The following ZFPM2 variants were observed in gnomAD, a reference collection of about 807,000 sequenced individuals.
ZFPM2 encodes zinc finger protein, FOG family member 2.
A neutral mutation model predicts 98.6 loss-of-function variants in ZFPM2; 20 were observed. That is an observed-to-expected ratio of 0.20 (90% confidence interval 0.14 to 0.29). The LOEUF is 0.29. Among genes scored for constraint, ZFPM2 ranks in the 10% least tolerant of loss-of-function variants. ZFPM2 has a pLI of 1.00. For synonymous variants in ZFPM2, 518 were observed against 502.7 expected (o/e 1.03, Z -0.41); for missense variants, 1,310 against 1,388.6 (o/e 0.94, Z 0.90).
At chr8:105,712,568 G>GT (rs1451837638) in intron 5 of ZFPM2, among the ~76,000 whole-genome samples, 4 of 151,934 alleles carry the variant, frequency 2.6e-5, no homozygotes, top group Admixed American at 1.3e-4. Flanking sequence ...TTTAATTGTA[G>GT]TTTTAGGTTC....
rs896811136 is a variant in ZFPM2 at position 105,648,695 on chromosome 8, T to G, written c.532+14338T>G. 7.2e-5 allele frequency among the ~76,000 whole-genome samples: 11 copies of G among 152,214 alleles called. No individual in the cohort carries two copies. In the East Asian group the frequency reaches 1.5e-3, roughly 21 times the overall value. On this transcript the variant is annotated intron_variant, in intron 5 of 7. Coordinates refer to ENST00000407775, the MANE Select transcript of ZFPM2 (RefSeq NM_012082.4). The stretch of plus-strand genomic sequence containing the variant: ...CAAAGATCAGATGGTTGTAGATGTG[T>G]GGTATTATTTCTGAGGGCTCTGTTC...
intron 1 of ZFPM2, among the ~76,000 whole-genome samples, chr8:105,400,028 A>G (rs566330250): frequency 9.9e-5 from 15 of 152,204 alleles, no homozygotes; most frequent in African/African-American, 3.4e-4. Flanking sequence ...TCGGCCTCCC[A>G]AAGTGCTAGG....
chr8:105,515,806 C>T (rs564969290), intron 3 of ZFPM2, among the ~76,000 whole-genome samples: 1 of 151,394 alleles, frequency 6.6e-6, no homozygotes, highest in Non-Finnish European at 1.5e-5. Flanking sequence ...GCTCTTCTCT[C>T]TAGGCAATTT....
intron 5 of ZFPM2, among the ~76,000 whole-genome samples, chr8:105,688,580 G>A (rs1810799939): frequency 6.6e-6 from 1 of 152,018 alleles, no homozygotes; most frequent in Non-Finnish European, 1.5e-5. Context: ...TTTTCTATAT[G>A]TATTTGATCT....
At chr8:105,692,609 T>A (rs1810913130) in intron 5 of ZFPM2, among the ~76,000 whole-genome samples, 1 of 152,240 alleles carries the variant, frequency 6.6e-6, no homozygotes, top group South Asian at 2.1e-4. Flanking sequence ...AAAGATTACT[T>A]CTGCCTGTAC....
At chr8:105,693,721 T>C (rs1810945383) in intron 5 of ZFPM2, among the ~76,000 whole-genome samples, 1 of 152,146 alleles carries the variant, frequency 6.6e-6, no homozygotes, top group South Asian at 2.1e-4. Flanking sequence ...GACTAAAATT[T>C]ATCTTTTAAA....
intron 3 of ZFPM2, among the ~76,000 whole-genome samples, chr8:105,460,002 C>T (rs1219389010): frequency 6.6e-6 from 1 of 152,116 alleles, no homozygotes; most frequent in South Asian, 2.1e-4. Context: ...TCCCTCACCC[C>T]TTGTTCCTAA....
intron 4 of ZFPM2, among the ~76,000 whole-genome samples, chr8:105,629,767 A>G (rs1215613648): frequency 6.6e-6 from 1 of 152,166 alleles, no homozygotes; most frequent in African/African-American, 2.4e-5. Context: ...CAGTTTTTAG[A>G]CACCACTACA....
intron 2 of ZFPM2, among the ~76,000 whole-genome samples, chr8:105,431,920 T>G (rs768969821): frequency 1.3e-5 from 1 of 77,276 alleles, no homozygotes; most frequent in Non-Finnish European, 2.2e-5. Context: ...AGACTGTGTC[T>G]CAAAAAAAAG....
intron 2 of ZFPM2, among the ~76,000 whole-genome samples, chr8:105,427,936 CTG>C (rs776647406): frequency 8.5e-5 from 13 of 152,188 alleles, no homozygotes; most frequent in Admixed American, 4.6e-4. Flanking sequence ...AGACATCTTC[CTG>C]TGTATGTATC....
At chr8:105,773,873 AACAC>A (rs1813039189) in intron 5 of ZFPM2, among the ~76,000 whole-genome samples, 1 of 152,098 alleles carries the variant, frequency 6.6e-6, no homozygotes, top group Non-Finnish European at 1.5e-5. Flanking sequence ...AACACAATGA[AACAC>A]ACTCACTCAT....
chr8:105,343,646 G>C (rs1033417919), intron 1 of ZFPM2, among the ~76,000 whole-genome samples: 3 of 152,066 alleles, frequency 2.0e-5, no homozygotes, highest in Non-Finnish European at 4.4e-5. Flanking sequence ...AGCCTTCTTT[G>C]AGGATAGAAG....
chr8:105,385,704 G>A (rs1420885099), intron 1 of ZFPM2, among the ~76,000 whole-genome samples: 2 of 152,194 alleles, frequency 1.3e-5, no homozygotes, highest in African/African-American at 4.8e-5. Context: ...TTGGTCAGCA[G>A]AAGGACCCCA....
intron 3 of ZFPM2, among the ~76,000 whole-genome samples, chr8:105,453,755 C>G (rs924706974): frequency 1.3e-5 from 2 of 151,968 alleles, no homozygotes; most frequent in African/African-American, 4.8e-5. Context: ...GATTCTCTTG[C>G]GTCAGCCTCC....
intron 1 of ZFPM2, among the ~76,000 whole-genome samples, chr8:105,331,158 A>G (rs1812225775): frequency 7.8e-6 from 1 of 128,192 alleles, no homozygotes; most frequent in African/African-American, 2.5e-5. Context: ...TATTTTATAT[A>G]TATATATTAT....
At chr8:105,746,603 G>A (rs1202565107) in intron 5 of ZFPM2, among the ~76,000 whole-genome samples, 1 of 149,704 alleles carries the variant, frequency 6.7e-6, no homozygotes, top group Non-Finnish European at 1.5e-5. Context: ...CAAAAGAAAT[G>A]TAACTATGGG....
chr8:105,690,726 C>T (rs1810860128), intron 5 of ZFPM2, among the ~76,000 whole-genome samples: 1 of 152,058 alleles, frequency 6.6e-6, no homozygotes, highest in Non-Finnish European at 1.5e-5. Context: ...CTTTTATGAG[C>T]CACCAAACTG....
chr8:105,692,504 G>A (rs1043959251), intron 5 of ZFPM2, among the ~76,000 whole-genome samples: 12 of 152,288 alleles, frequency 7.9e-5, no homozygotes, highest in East Asian at 1.9e-4. Context: ...AATCAGATTC[G>A]TACAAATGGG....
At chr8:105,769,909 C>T (rs1482742603) in intron 5 of ZFPM2, among the ~76,000 whole-genome samples, 4 of 152,094 alleles carry the variant, frequency 2.6e-5, no homozygotes, top group African/African-American at 7.2e-5. Flanking sequence ...CTCAGCAAGA[C>T]GTTGCCTTGT....
Sources: allele counts gnomAD v4.1 joint callset (sites outside exome capture counted in the v4.1 genomes callset), GRCh38; gene constraint gnomAD v4.1.1; transcripts MANE v1.5; gene names NCBI Gene and HGNC (gene_info 2026-07-23, HGNC 2026-07-21).